LRRC7: variants seen among roughly 807,000 people sequenced by gnomAD.
LRRC7 encodes leucine rich repeat containing 7.
LRRC7 carries 23 observed loss-of-function variants against 175.7 expected under a neutral mutation model. That is an observed-to-expected ratio of 0.13 (90% CI 0.09 to 0.19). The LOEUF (loss-of-function observed/expected upper bound fraction) is 0.19, where lower values mean the gene tolerates loss of function less well. LRRC7 is among the 10% of genes least tolerant of loss of function. The probability of loss-of-function intolerance (pLI) is 1.00; values close to 1 mark genes in which losing one functional copy is unlikely to be tolerated. For missense variants in LRRC7, 1,354 were observed against 1,904.7 expected (o/e 0.71, Z 5.38); for synonymous variants, 685 against 680.9 (o/e 1.01, Z -0.09).
chr1:69,791,839 G>T (rs1675156408), intron 3 of LRRC7, among the ~76,000 whole-genome samples: 1 of 151,908 alleles, frequency 6.6e-6, no homozygotes, highest in Non-Finnish European at 1.5e-5. Context: ...AGTCTGGGTA[G>T]CCAAAAATAG....
chr1:69,580,669 C>A (rs1646161050), intron 1 of LRRC7, among the ~76,000 whole-genome samples: 1 of 152,166 alleles, frequency 6.6e-6, no homozygotes, highest in Admixed American at 6.6e-5. Flanking sequence ...TTACTAAGTT[C>A]TTGCCTGCCT....
intron 7 of LRRC7, among the ~76,000 whole-genome samples, chr1:69,884,131 GT>G (rs1439285257): frequency 1.3e-5 from 1 of 78,150 alleles, no homozygotes; most frequent in Admixed American, 1.4e-4. Context: ...CTTTAAAGTA[GT>G]TTTTTCCAAT....
intron 5 of LRRC7, among the ~76,000 whole-genome samples, chr1:69,833,622 G>T (rs536771828): frequency 2.6e-5 from 4 of 151,822 alleles, no homozygotes; most frequent in African/African-American, 9.7e-5. Context: ...GGAATAAAAC[G>T]CAGATATAAT....
rs966756291 is a variant in LRRC7, at chr1:69,781,775, A to G, written c.304-10268A>G. Among the ~76,000 whole-genome samples the G allele has an allele frequency of 2.2e-3, 136 of 60,798 alleles. 1 individual carries two copies. The highest frequency in any genetic ancestry group is 3.1e-3 in the Non-Finnish European group (98 of 31,750). The allele number at this position is 60,798 out of a possible 152,430, so 39.9% of individuals were successfully genotyped here. A position where few individuals can be genotyped will look rare whatever the true frequency, so the allele number is the denominator to read the frequency against. On this transcript the variant is annotated intron_variant, in intron 3 of 26. Transcript: ENST00000651989. ...AGAGAGAGAGAGAGAGAAAGAAAGA[A>G]AGAAAGAAAGAAAGGAAGGAAGGAA...
At chr1:69,998,014 G>A (rs1655167741) in intron 11 of LRRC7, among the ~76,000 whole-genome samples, 1 of 152,112 alleles carries the variant, frequency 6.6e-6, no homozygotes, top group East Asian at 1.9e-4. Context: ...GAATTCGGCT[G>A]TGAATCCATC....
chr1:69,679,555 A>G (rs1018401711), intron 2 of LRRC7, among the ~76,000 whole-genome samples: 1 of 152,114 alleles, frequency 6.6e-6, no homozygotes, highest in Non-Finnish European at 1.5e-5. Flanking sequence ...GGCTTATAAC[A>G]CCATAAACAA....
intron 7 of LRRC7, among the ~76,000 whole-genome samples, chr1:69,878,292 C>A (rs7516156): frequency 0.091 from 10,233 of 112,246 alleles, 749 homozygotes; most frequent in African/African-American, 0.23. Flanking sequence ...AAAAAAAAAA[C>A]AAGAATGCTC....
chr1:69,569,590 C>A (rs542767061), intron 1 of LRRC7, among the ~76,000 whole-genome samples: 2 of 148,468 alleles, frequency 1.3e-5, no homozygotes, highest in East Asian at 2.0e-4. Flanking sequence ...AGAATGGGGG[C>A]GGGGGTTGGG....
At position 70,028,203 on chromosome 1, in the gene LRRC7, T is replaced by C. The variant is rs1363691229; in HGVS notation, c.1827T>C (p.Pro609=). 1.9e-6 allele frequency: 3 copies of C among 1,613,736 alleles called. No individual in the cohort carries two copies. In the East Asian group the frequency reaches 6.7e-5, roughly 36 times the overall value. Residue 609 remains proline, a synonymous_variant, in exon 18 of 27, where the codon CCT becomes CCC. Transcript: ENST00000651989. ...TAAACCTAAAACGATATCCAACTCCTTACCCAGAGGATTTAAAGAATATGG... is the reference window on the plus strand; with the variant it reads ...TAAACCTAAAACGATATCCAACTCCCTACCCAGAGGATTTAAAGAATATGG... ...VEINLKRYPT[P]YPEDLKNMVK...
chr1:69,996,835 T>C (rs1655026822), intron 11 of LRRC7, among the ~76,000 whole-genome samples: 1 of 151,818 alleles, frequency 6.6e-6, no homozygotes, highest in Non-Finnish European at 1.5e-5. Context: ...GGTAGTGTGA[T>C]GCCTCCAGCT....
chr1:69,931,582 C>T lies in LRRC7; in HGVS notation c.711+12C>T. 6.2e-7 allele frequency: 1 copy of T among 1,607,476 alleles called. No homozygotes were observed. Among genetic ancestry groups the T allele is most frequent in the Non-Finnish European group, 8.5e-7 (1 of 1,174,104 alleles). On this transcript the variant is annotated intron_variant, in intron 8 of 26. Transcript: ENST00000651989. The stretch of plus-strand genomic sequence containing the variant: ...AATTCGGTGAGCTGGTAAGCAAATG[C>T]ATTTTCTAAACCTGATAAATACCCT...
Position 69,686,095 on chromosome 1 carries a change from G to T in LRRC7, c.100+7617G>T, listed in dbSNP as rs76345497. Among the ~76,000 whole-genome samples, 858 of 152,206 alleles carry T rather than the reference G, an allele frequency of 5.6e-3. 9 individuals carry two copies. Among genetic ancestry groups the T allele is most frequent in the African/African-American group, 0.02 (813 of 41,534 alleles). On this transcript the variant is annotated intron_variant, in intron 2 of 26. Transcript: ENST00000651989. ...GAAACCACAGAGGCCAGAAGGAAAT[G>T]ACATACAAGATTTTCAAGTATTATA...
chr1:69,717,062 T>C (rs1287982167), intron 2 of LRRC7, among the ~76,000 whole-genome samples: 1 of 136,604 alleles, frequency 7.3e-6, no homozygotes, highest in East Asian at 2.0e-4. Flanking sequence ...TATCTACATA[T>C]ATACATATAT....
intron 1 of LRRC7, among the ~76,000 whole-genome samples, chr1:69,633,862 T>C (rs1414200471): frequency 1.3e-5 from 2 of 152,160 alleles, no homozygotes; most frequent in African/African-American, 4.8e-5. Flanking sequence ...TTAAATAATA[T>C]TATCTTAATG....
intron 16 of LRRC7, among the ~76,000 whole-genome samples, chr1:70,021,831 C>T (rs1305891232): frequency 6.6e-6 from 1 of 152,148 alleles, no homozygotes; most frequent in African/African-American, 2.4e-5. Context: ...TAGATTTTCT[C>T]AACATCACAT....
intron 3 of LRRC7, among the ~76,000 whole-genome samples, chr1:69,777,398 C>A (rs1262662568): frequency 2.0e-5 from 3 of 152,308 alleles, no homozygotes; most frequent in African/African-American, 7.2e-5. Flanking sequence ...ATGCCTACTT[C>A]AGGGGAGCAA....
At chr1:69,667,526 T>C (rs1430497106) in intron 1 of LRRC7, among the ~76,000 whole-genome samples, 2 of 152,224 alleles carry the variant, frequency 1.3e-5, no homozygotes, top group African/African-American at 4.8e-5. Flanking sequence ...TTATATTCTC[T>C]TGCTGAATTC....
chr1:69,720,167 A>C (rs1666194898), intron 2 of LRRC7, among the ~76,000 whole-genome samples: 1 of 151,290 alleles, frequency 6.6e-6, no homozygotes, highest in Non-Finnish European at 1.5e-5. Flanking sequence ...TCTTTAACTC[A>C]CCTACTTATA....
At position 70,128,749 on chromosome 1, in the gene LRRC7, G is replaced by T. The variant is rs1666547543; in HGVS notation, c.*6862G>T. 6.6e-6 allele frequency: 1 copy of T among 152,206 alleles called. No individual in the cohort carries two copies. The highest frequency in any genetic ancestry group is 2.1e-4 in the South Asian group (1 of 4,824). 9.4% of individuals were successfully genotyped at this position (152,206 alleles called of 1,614,324 possible). On this transcript the variant is annotated 3_prime_UTR_variant, in exon 27 of 27. Transcript: ENST00000651989. Reference sequence around the variant, plus strand: ...TCAGCACAGAATCTCACAGTCCAGAGGAAAGATGAGAGAAGTTCCACATCA... The same window carrying T: ...TCAGCACAGAATCTCACAGTCCAGATGAAAGATGAGAGAAGTTCCACATCA...
Sources: allele counts gnomAD v4.1 joint callset (sites outside exome capture counted in the v4.1 genomes callset), GRCh38; gene constraint gnomAD v4.1.1; transcripts MANE v1.5; gene names NCBI Gene and HGNC (gene_info 2026-07-23, HGNC 2026-07-21).